Variants in TUBA4B observed in about 807,000 individuals in gnomAD.
TUBA4B encodes the protein tubulin-like protein alpha-4B.
TUBA4B carries 13 observed loss-of-function variants against 18.4 expected under a neutral mutation model. The ratio of observed to expected loss-of-function variants is 0.71; its 90% CI spans 0.46 to 1.12. The LOEUF is 1.12. TUBA4B is among the 50% of genes most tolerant of loss of function. TUBA4B has a pLI of 0.00. For synonymous variants in TUBA4B, 101 were observed against 99.1 expected, an observed-to-expected ratio of 1.02 and a Z score of -0.11; for missense variants, 244 against 250.0, an observed-to-expected ratio of 0.98 and a Z score of 0.16.
intron 1 of TUBA4B, chr2:219,253,801 C>T: frequency 6.5e-7 from 1 of 1,537,818 alleles, no homozygotes; most frequent in Non-Finnish European, 8.8e-7. Flanking sequence ...GAAGTGTCCC[C>T]CAAAGGAGAG....
chr2:219,264,384 C>T (rs1443832747), intron 1 of TUBA4B, among the ~76,000 whole-genome samples: 1 of 150,624 alleles, frequency 6.6e-6, no homozygotes, highest in African/African-American at 2.4e-5. Flanking sequence ...TGCTTGAACC[C>T]AAGAGGCAGA....
Position 219,253,309 on chromosome 2 carries a change from C to A in TUBA4B, c.-99C>A. On this transcript the variant is annotated 5_prime_UTR_variant, in exon 1 of 4. Coordinates refer to ENST00000490341, the MANE Select transcript of TUBA4B (RefSeq NM_001355221.1). ...CCAGCTCGCTTCAGGAGGCCGAACC[C>A]CGTTCCCACCAACCCTCTCAGCTCA... 1 of 1,522,768 alleles carries A rather than the reference C, an allele frequency of 6.6e-7. No homozygotes were observed. Among genetic ancestry groups the A allele is most frequent in the South Asian group, 1.2e-5 (1 of 82,248 alleles). 94.3% of individuals were successfully genotyped at this position (1,522,768 alleles called of 1,614,324 possible).
chr2:219,271,507 A>G lies in TUBA4B; in HGVS notation c.534A>G (p.Thr178=). 2 of 1,614,178 alleles carry G rather than the reference A, an allele frequency of 1.2e-6. No homozygotes were observed. The highest frequency in any genetic ancestry group is 1.7e-6 in the Non-Finnish European group (2 of 1,180,032). Residue 178 remains threonine, a synonymous_variant, in exon 4 of 4, where the codon ACA becomes ACG. Coordinates refer to ENST00000490341, the MANE Select transcript of TUBA4B (RefSeq NM_001355221.1). ...RLISQIVSSI[T]ASLRFDGALN... The stretch of plus-strand genomic sequence containing the variant: ...TTAGCCAAATTGTCTCCTCCATCAC[A>G]GCTTCTCTGCGCTTTGACGGGGCCC...
At chr2:219,259,178 G>T (rs1169763795) in intron 1 of TUBA4B, among the ~76,000 whole-genome samples, 1 of 150,398 alleles carries the variant, frequency 6.6e-6, no homozygotes, top group Non-Finnish European at 1.5e-5. Flanking sequence ...AAATTATCCG[G>T]GCATGGTGGC....
intron 1 of TUBA4B, 128 bp downstream of exon 1, chr2:219,253,547 C>A (rs991066734): frequency 1.4e-4 from 115 of 824,692 alleles, no homozygotes; most frequent in Non-Finnish European, 2.1e-4. Context: ...GGGGCGCGGG[C>A]CCGCGTGACT....
intron 1 of TUBA4B, chr2:219,254,039 C>T (rs977965430): frequency 7.1e-5 from 39 of 549,632 alleles, no homozygotes; most frequent in Admixed American, 1.2e-4. Flanking sequence ...AAGCGGCCCC[C>T]CCGAGGGGCG....
At chr2:219,257,824 A>AT (rs775004683) in intron 1 of TUBA4B, among the ~76,000 whole-genome samples, 6,276 of 149,912 alleles carry the variant, frequency 0.042, 426 homozygotes, top group African/African-American at 0.14. Flanking sequence ...TCAAAAAAAA[A>AT]ATATATATAT....
intron 2 of TUBA4B, among the ~76,000 whole-genome samples, chr2:219,267,599 C>T (rs1355404030): frequency 6.7e-6 from 1 of 148,272 alleles, no homozygotes; most frequent in Non-Finnish European, 1.5e-5. Context: ...TTTTTTGAGA[C>T]GGAGTCTCAT....
chr2:219,253,475 G>A (rs982047120), intron 1 of TUBA4B, 56 bp downstream of exon 1: 1 of 1,348,972 alleles, frequency 7.4e-7, no homozygotes, highest in African/African-American at 1.4e-5. Context: ...CAGTGCTGAG[G>A]ACCAGGGACT....
At chr2:219,265,591 T>C in intron 1 of TUBA4B, among the ~76,000 whole-genome samples, 1 of 151,942 alleles carries the variant, frequency 6.6e-6, no homozygotes, top group East Asian at 1.9e-4. Flanking sequence ...GAGCTGAGAT[T>C]GCACCACTGC....
intron 1 of TUBA4B, among the ~76,000 whole-genome samples, chr2:219,265,173 C>G (rs546769438): frequency 6.6e-6 from 1 of 152,120 alleles, no homozygotes; most frequent in Non-Finnish European, 1.5e-5. Flanking sequence ...AAGCAGAGCC[C>G]GAGTCCCAGA....
Position 219,271,919 on chromosome 2 carries a change from G to A in TUBA4B, c.*220G>A. ...GTAAAGTGCAACGTGCCATGTGCAT[G>A]CTGAGCAACATGACAGCCATCACTA... On this transcript the variant is annotated 3_prime_UTR_variant, in exon 4 of 4. Transcript: ENST00000490341. The A allele has an allele frequency of 4.1e-6, 6 of 1,447,142 alleles. No homozygotes were observed. The South Asian group carries it at 6.9e-5, about 17-fold the overall frequency. 89.6% of individuals were successfully genotyped at this position (1,447,142 alleles called of 1,614,324 possible). A position where few individuals can be genotyped will look rare whatever the true frequency, so the allele number is the denominator to read the frequency against.
In TUBA4B at chr2:219,253,356, G is replaced by T. The variant is rs543921349; in HGVS notation, c.-52G>T. The T allele has an allele frequency of 6.8e-6, 10 of 1,462,264 alleles. No individual in the cohort carries two copies. In the Admixed American group the frequency reaches 1.0e-4, roughly 15 times the overall value. The allele number at this position is 1,462,264 out of a possible 1,614,324, so 90.6% of individuals were successfully genotyped here. Reference sequence around the variant, plus strand: ...CTCAGACGCGGGGTGCTGAGTCACGGGGGGGGGGTGGTTCTGTGGATAGTT... The same window carrying T: ...CTCAGACGCGGGGTGCTGAGTCACGTGGGGGGGGTGGTTCTGTGGATAGTT... On this transcript the variant is annotated 5_prime_UTR_variant, in exon 1 of 4. Transcript: ENST00000490341.
chr2:219,257,207 C>T (rs1951726387), intron 1 of TUBA4B, among the ~76,000 whole-genome samples: 2 of 151,654 alleles, frequency 1.3e-5, no homozygotes, highest in South Asian at 4.2e-4. Context: ...CCACTCCTGG[C>T]TAATTTTGTA....
chr2:219,269,915 G>T (rs962240218), intron 2 of TUBA4B, among the ~76,000 whole-genome samples: 2 of 152,142 alleles, frequency 1.3e-5, no homozygotes, highest in African/African-American at 4.8e-5. Context: ...TGCAGAGCAT[G>T]GTGTCTGTGG....
chr2:219,264,696 G>C (rs1391590312), intron 1 of TUBA4B, among the ~76,000 whole-genome samples: 2 of 152,122 alleles, frequency 1.3e-5, no homozygotes, highest in Non-Finnish European at 2.9e-5. Flanking sequence ...TGATGGAGTA[G>C]GATGGCACTA....
intron 1 of TUBA4B, chr2:219,254,061 G>A (rs538801189): frequency 1.2e-4 from 59 of 474,000 alleles, no homozygotes; most frequent in African/African-American, 9.8e-4. Flanking sequence ...AGCCTGGCCT[G>A]GTACCCTCCC....
At chr2:219,254,838 C>T (rs935318803) in intron 1 of TUBA4B, among the ~76,000 whole-genome samples, 1 of 152,174 alleles carries the variant, frequency 6.6e-6, no homozygotes, top group African/African-American at 2.4e-5. Flanking sequence ...ATGTCTGTTG[C>T]CTCTGAAGAG....
chr2:219,270,166 C>A, intron 2 of TUBA4B, 36 bp from the exon 3 acceptor site: 1 of 707,282 alleles, frequency 1.4e-6, no homozygotes. Context: ...GAGGTGGGGC[C>A]CAAAACTCTG....
Sources: gnomAD v4.1 joint callset for allele counts (sites outside exome capture counted in the v4.1 genomes callset) on GRCh38, gnomAD v4.1.1 for gene constraint, MANE v1.5 for transcripts, NCBI Gene and HGNC (gene_info 2026-07-23, HGNC 2026-07-21) for gene names.